Variants in MOV10 observed in about 807,000 individuals in gnomAD.
MOV10 encodes the protein Mov10 RNA helicase.
A neutral mutation model predicts 108.4 loss-of-function variants in MOV10; 39 were observed. The observed-to-expected ratio is 0.36, with a 90% CI of 0.28 to 0.47. The LOEUF (loss-of-function observed/expected upper bound fraction) is 0.47. Among genes scored for constraint, MOV10 ranks in the 20% least tolerant of loss-of-function variants. MOV10 has a pLI of 1.00. For missense variants in MOV10, 952 were observed against 1,297.6 expected, an observed-to-expected ratio of 0.73 and a Z score of 4.09; for synonymous variants, 490 against 523.1, an observed-to-expected ratio of 0.94 and a Z score of 0.86.
At chr1:112,696,409 G>T in intron 12 of MOV10, 28 bp from the exon 13 acceptor site, 2 of 1,573,604 alleles carry the variant, frequency 1.3e-6, no homozygotes, top group South Asian at 1.1e-5. Context: ...GCCTGGATAT[G>T]ACCCCTGCCT....
At chr1:112,698,539 T>C (rs1409041591) in intron 16 of MOV10, 61 bp downstream of exon 16, 1 of 1,552,016 alleles carries the variant, frequency 6.4e-7, no homozygotes, top group African/African-American at 1.4e-5. Context: ...CTCCTTAATA[T>C]CCAGACCACT....
At chr1:112,693,508 C>T (rs1024513453) in intron 7 of MOV10, among the ~76,000 whole-genome samples, 1 of 152,136 alleles carries the variant, frequency 6.6e-6, no homozygotes, top group African/African-American at 2.4e-5. Context: ...GGACCACAGA[C>T]ATGCCCCACT....
At chr1:112,685,808 C>CTTACCA (rs1673038613) in intron 2 of MOV10, among the ~76,000 whole-genome samples, 2 of 151,810 alleles carry the variant, frequency 1.3e-5, no homozygotes, top group Non-Finnish European at 2.9e-5. Context: ...TTACCTAGAC[C>CTTACCA]AATGTTAGGT....
At chr1:112,679,435 T>C (rs1434427554) in intron 2 of MOV10, among the ~76,000 whole-genome samples, 1 of 152,134 alleles carries the variant, frequency 6.6e-6, no homozygotes, top group Non-Finnish European at 1.5e-5. Context: ...CAGGAAACGT[T>C]TTCTGTTGAT....
In MOV10 at chr1:112,690,026, C is replaced by A. The variant is rs751400244; in HGVS notation, c.764C>A (p.Pro255His). 1 of 1,614,116 alleles carries A rather than the reference C, an allele frequency of 6.2e-7. No homozygotes were observed. The highest frequency in any genetic ancestry group is 1.7e-5 in the Admixed American group (1 of 60,024). The change falls in exon 5 of 21, where the codon CCC (proline) becomes CAC (histidine). Residue 255 changes from proline (P) to histidine (H), a missense_variant. Physicochemically the swap from Pro to His is moderately conservative, Grantham distance 77. Transcript: ENST00000369645. ...PLAAQLKPMT[P>H]FKRTRITGNP... Reference sequence around the variant, plus strand: ...GCTGCACAGCTGAAGCCCATGACTCCCTTCAAGCGGACCCGGATCACCGGA... The same window carrying A: ...GCTGCACAGCTGAAGCCCATGACTCACTTCAAGCGGACCCGGATCACCGGA...
intron 5 of MOV10, among the ~76,000 whole-genome samples, chr1:112,691,138 G>C (rs1008121502): frequency 6.6e-6 from 1 of 152,090 alleles, no homozygotes; most frequent in Non-Finnish European, 1.5e-5. Context: ...AAAATTAGCC[G>C]GGTGTGGTGG....
intron 2 of MOV10, among the ~76,000 whole-genome samples, chr1:112,684,498 C>T (rs1672921261): frequency 6.7e-6 from 1 of 148,954 alleles, no homozygotes; most frequent in Admixed American, 6.7e-5. Context: ...AAACTCCCGA[C>T]CTCAGGTGAT....
intron 19 of MOV10, 43 bp from the exon 20 acceptor site, chr1:112,700,176 G>C: frequency 1.9e-6 from 3 of 1,613,434 alleles, no homozygotes; most frequent in South Asian, 1.1e-5. Flanking sequence ...CAGGACCGTG[G>C]CTTAGCCTCC....
Position 112,697,989 on chromosome 1 carries a change from C to T in MOV10, c.2199-5C>T. On this transcript the variant is annotated splice_polypyrimidine_tract_variant and splice_region_variant and intron_variant, in intron 14 of 20. Coordinates refer to ENST00000369645, the MANE Select transcript of MOV10 (RefSeq NM_001321324.2). ...GGTCTTGCTTTTCCTCCTCCGGCCTCCCAGGTCTCATCCCACCATCCTGGA... is the reference window on the plus strand; with the variant it reads ...GGTCTTGCTTTTCCTCCTCCGGCCTTCCAGGTCTCATCCCACCATCCTGGA... The T allele has an allele frequency of 3.1e-6, 5 of 1,612,720 alleles. No homozygotes were observed. Among genetic ancestry groups the T allele is most frequent in the Non-Finnish European group, 4.2e-6 (5 of 1,178,726 alleles).
chr1:112,681,988 G>A (rs987319396), intron 2 of MOV10, among the ~76,000 whole-genome samples: 1 of 151,244 alleles, frequency 6.6e-6, no homozygotes, highest in Non-Finnish European at 1.5e-5. Flanking sequence ...CTCCGCCTCT[G>A]GGATTCAAGC....
rs1456464809 is a variant in MOV10 at position 112,694,182 on chromosome 1, G to A, written c.1295+10G>A. On this transcript the variant is annotated intron_variant, in intron 8 of 20. Coordinates refer to ENST00000369645, the MANE Select transcript of MOV10 (RefSeq NM_001321324.2). The surrounding 1 kb of genome is among the most constrained non-coding windows in gnomAD (Gnocchi z 4.1). ...TGAGCTTTTCCATGAGGTGGGTGTT[G>A]GGGGAACCCTGAGCTGCTGGAAGGG... 1 of 1,614,046 alleles carries A rather than the reference G, an allele frequency of 6.2e-7. No homozygotes were observed. The highest frequency in any genetic ancestry group is 8.5e-7 in the Non-Finnish European group (1 of 1,179,958).
chr1:112,699,607 TG>T, intron 17 of MOV10, 77 bp from the exon 18 acceptor site: 1 of 1,597,264 alleles, frequency 6.3e-7, no homozygotes, highest in Non-Finnish European at 8.5e-7. Context: ...GTACCCTCCT[TG>T]GAAGGCAAGC....
At position 112,696,201 on chromosome 1, in the gene MOV10, G is replaced by A. The variant is rs779839725; in HGVS notation, c.1833G>A (p.Lys611=). 5 of 1,614,048 alleles carry A rather than the reference G, an allele frequency of 3.1e-6. No individual in the cohort carries two copies. The highest frequency in any genetic ancestry group is 4.2e-6 in the Non-Finnish European group (5 of 1,179,986). ...GGGAGTATGTATTTCCCGCCAAGAA[G>A]AAGCTGCAGGAATACCGGGTCTTAA... The part of the protein sequence containing the change: ...KKGEYVFPAK[K]KLQEYRVLIT... The change falls in exon 12 of 21, where the codon AAG becomes AAA. Residue 611 remains lysine (K), a synonymous_variant. Transcript: ENST00000369645.
At position 112,694,176 on chromosome 1, in the gene MOV10, G is replaced by A. The variant is rs772040017; in HGVS notation, c.1295+4G>A. On this transcript the variant is annotated splice_donor_region_variant and intron_variant, in intron 8 of 20. Transcript: ENST00000369645. The surrounding 1 kb of genome is among the most constrained non-coding windows in gnomAD (Gnocchi z 4.1). ...TCAAGCTGAGCTTTTCCATGAGGTG[G>A]GTGTTGGGGGAACCCTGAGCTGCTG... 20 of 1,613,984 alleles carry A rather than the reference G, an allele frequency of 1.2e-5. No homozygotes were observed. Among genetic ancestry groups the A allele is most frequent in the Non-Finnish European group, 1.6e-5 (19 of 1,180,000 alleles).
At chr1:112,682,895 CT>C (rs1672775534) in intron 2 of MOV10, among the ~76,000 whole-genome samples, 2 of 148,470 alleles carry the variant, frequency 1.3e-5, no homozygotes, top group East Asian at 2.0e-4. Context: ...GTTTGGGGCT[CT>C]TCTGAATGAA....
At position 112,698,075 on chromosome 1, in the gene MOV10, A is replaced by G; in HGVS notation, c.2280A>G (p.Arg760=). 1.2e-6 allele frequency: 2 copies of G among 1,614,198 alleles called. No homozygotes were observed. Among genetic ancestry groups the G allele is most frequent in the Non-Finnish European group, 1.7e-6 (2 of 1,180,040 alleles). ...ELQACADVVD[R]ERFCRWAGLP... is the part of the protein sequence containing the mutation. ...AGGCCTGTGCTGATGTCGTGGATCG[A>G]GAACGCTTCTGCCGCTGGGCGGGCC... Residue 760 remains arginine, a synonymous_variant, in exon 15 of 21, where the codon CGA becomes CGG. Coordinates refer to ENST00000369645, the MANE Select transcript of MOV10 (RefSeq NM_001321324.2).
At chr1:112,689,756 G>A in intron 4 of MOV10, 84 bp from the exon 5 acceptor site, 2 of 1,585,276 alleles carry the variant, frequency 1.3e-6, no homozygotes, top group Non-Finnish European at 1.7e-6. Flanking sequence ...CTTGCCTTGG[G>A]ATGGGGCTTC....
chr1:112,691,875 C>T (rs1312273427), intron 6 of MOV10, 76 bp downstream of exon 6: 13 of 1,494,500 alleles, frequency 8.7e-6, no homozygotes, highest in Admixed American at 1.8e-5. Context: ...CTGGCACCTC[C>T]GTCCTCAGCC....
In MOV10 at chr1:112,696,748, C is replaced by T. The variant is rs1323722039; in HGVS notation, c.2100C>T (p.Tyr700=). 6.2e-7 allele frequency: 1 copy of T among 1,606,154 alleles called. No homozygotes were observed. The change falls in exon 14 of 21, where the codon TAC becomes TAT. Residue 700 remains tyrosine, a synonymous_variant. Transcript: ENST00000369645. The part of the protein sequence containing the change: ...SPLTQKHGLG[Y]SLLERLLTYN... ...TGACCCAGAAGCATGGACTGGGATA[C>T]TCACTGCTGGAGCGGCTGCTCACCT...
Sources: gnomAD v4.1 joint callset for allele counts (sites outside exome capture counted in the v4.1 genomes callset) on GRCh38, gnomAD v4.1.1 for gene constraint, Gnocchi (gnomAD v3.1) non-coding constraint, MANE v1.5 for transcripts, NCBI Gene and HGNC (gene_info 2026-07-23, HGNC 2026-07-21) for gene names.